FHIT: variants seen among roughly 807,000 people sequenced by gnomAD.
FHIT encodes the protein fragile histidine triad diadenosine triphosphatase.
A neutral mutation model predicts 17.9 loss-of-function variants in FHIT; 19 were observed. That is an observed-to-expected ratio of 1.06 (90% CI 0.74 to 1.56). FHIT has a LOEUF of 1.56. Ranked by LOEUF, FHIT falls within the 40% of genes most tolerant of loss-of-function variation. FHIT has a pLI of 0.00. For synonymous variants in FHIT, 81 were observed against 69.7 expected (o/e 1.16, Z -0.81); for missense variants, 248 against 189.2 (o/e 1.31, Z -1.82).
intron 5 of FHIT, among the ~76,000 whole-genome samples, chr3:60,076,637 GATT>G (rs1381291439): frequency 1.3e-5 from 2 of 151,956 alleles, no homozygotes; most frequent in Non-Finnish European, 2.9e-5. Context: ...GATTAGAAAT[GATT>G]ATTATCATGT....
chr3:59,777,915 C>T lies in FHIT; in HGVS notation c.349-25594G>A, dbSNP rs116001214. 6.5e-3 allele frequency among the ~76,000 whole-genome samples: 994 copies of T among 152,302 alleles called. 14 individuals carry two copies. The highest frequency in any genetic ancestry group is 0.022 in the African/African-American group (920 of 41,570). On this transcript the variant is annotated intron_variant, in intron 8 of 9. Coordinates refer to ENST00000492590, the MANE Select transcript of FHIT (RefSeq NM_002012.4). Reference sequence around the variant, plus strand: ...AGGTTTCCCCGGGCTTACAGCTTCTCATTTAGTTATCAGTTGAAATGTTAC... The same window carrying T: ...AGGTTTCCCCGGGCTTACAGCTTCTTATTTAGTTATCAGTTGAAATGTTAC...
chr3:59,898,896 A>G (rs1185684872), intron 8 of FHIT, among the ~76,000 whole-genome samples: 2 of 152,288 alleles, frequency 1.3e-5, no homozygotes, highest in Admixed American at 1.3e-4. Context: ...ATTAATAGAC[A>G]TTGTCAGATA....
At chr3:60,551,223 C>T (rs1051872334) in intron 4 of FHIT, among the ~76,000 whole-genome samples, 12 of 151,524 alleles carry the variant, frequency 7.9e-5, no homozygotes, top group African/African-American at 2.9e-4. Flanking sequence ...CATACAAGGT[C>T]TTGTGTGGCG....
rs532510374 is a variant in FHIT, at chr3:60,308,516, A to G, written c.103+228344T>C. 2.1e-4 allele frequency among the ~76,000 whole-genome samples: 32 copies of G among 149,086 alleles called. 1 individual carries two copies. In the East Asian group the frequency reaches 3.9e-3, roughly 18 times the overall value. On this transcript the variant is annotated intron_variant, in intron 5 of 9. Coordinates refer to ENST00000492590, the MANE Select transcript of FHIT (RefSeq NM_002012.4). ...TATGTGTATATATATATATATATAT[A>G]TATATATATATATGCCTCTCAAATG...
chr3:61,167,899 G>A (rs2037888848), intron 2 of FHIT, among the ~76,000 whole-genome samples: 1 of 152,068 alleles, frequency 6.6e-6, no homozygotes, highest in South Asian at 2.1e-4. Context: ...ATTTCAGTGA[G>A]GTGAGATTAT....
intron 3 of FHIT, among the ~76,000 whole-genome samples, chr3:60,863,825 T>G (rs1207674869): frequency 6.6e-6 from 1 of 152,096 alleles, no homozygotes; most frequent in Non-Finnish European, 1.5e-5. Flanking sequence ...AGTAAAAGTG[T>G]GAATAAGGGA....
intron 5 of FHIT, among the ~76,000 whole-genome samples, chr3:60,074,030 C>G (rs538148389): frequency 6.6e-6 from 1 of 152,142 alleles, no homozygotes; most frequent in East Asian, 1.9e-4. Flanking sequence ...GTGAATGGAG[C>G]AGGGGCTTAA....
intron 4 of FHIT, among the ~76,000 whole-genome samples, chr3:60,797,820 T>A (rs1553730868): frequency 2.0e-5 from 3 of 151,884 alleles, no homozygotes. Flanking sequence ...GATTTAAATG[T>A]TTTTTATTAG....
At chr3:59,773,104 T>G (rs1702147345) in intron 8 of FHIT, among the ~76,000 whole-genome samples, 1 of 152,036 alleles carries the variant, frequency 6.6e-6, no homozygotes, top group African/African-American at 2.4e-5. Context: ...TTTCAAGGGG[T>G]CCACAATTCA....
intron 4 of FHIT, among the ~76,000 whole-genome samples, chr3:60,559,695 C>T (rs994130753): frequency 1.3e-5 from 2 of 151,958 alleles, no homozygotes; most frequent in Non-Finnish European, 2.9e-5. Flanking sequence ...AGATGGAAAG[C>T]ATATGTATCT....
intron 3 of FHIT, among the ~76,000 whole-genome samples, chr3:60,881,791 C>T (rs1038071895): frequency 3.3e-5 from 5 of 151,794 alleles, no homozygotes; most frequent in Non-Finnish European, 7.4e-5. Flanking sequence ...TAACAATAAA[C>T]ACATCAAAAG....
intron 4 of FHIT, among the ~76,000 whole-genome samples, chr3:60,596,922 A>C (rs1051470165): frequency 2.6e-5 from 4 of 152,114 alleles, no homozygotes; most frequent in Admixed American, 2.6e-4. Context: ...TTGATTTCAG[A>C]TATTTTAGTG....
At chr3:60,308,970 T>C (rs1285890614) in intron 5 of FHIT, among the ~76,000 whole-genome samples, 1 of 152,112 alleles carries the variant, frequency 6.6e-6, no homozygotes, top group African/African-American at 2.4e-5. Context: ...ATCTCACACA[T>C]CACACACCCA....
At chr3:59,807,150 G>C (rs1425291118) in intron 8 of FHIT, among the ~76,000 whole-genome samples, 2 of 152,198 alleles carry the variant, frequency 1.3e-5, no homozygotes, top group Non-Finnish European at 2.9e-5. Flanking sequence ...ACATAGGTTA[G>C]ATAATGCAAT....
intron 8 of FHIT, among the ~76,000 whole-genome samples, chr3:59,784,686 G>C (rs1302043413): frequency 6.6e-6 from 1 of 152,154 alleles, no homozygotes; most frequent in African/African-American, 2.4e-5. Context: ...CTCTCTCCTA[G>C]AGAAAGTCAG....
chr3:60,852,199 CTGAT>C (rs1703182782), intron 3 of FHIT, among the ~76,000 whole-genome samples: 1 of 152,132 alleles, frequency 6.6e-6, no homozygotes, highest in Non-Finnish European at 1.5e-5. Context: ...AGCTGGGACA[CTGAT>C]TGTGTCCTGC....
At chr3:60,293,541 ATCTGAAGG>A (rs1708079321) in intron 5 of FHIT, among the ~76,000 whole-genome samples, 1 of 152,174 alleles carries the variant, frequency 6.6e-6, no homozygotes, top group Non-Finnish European at 1.5e-5. Flanking sequence ...TCAGGTACAG[ATCTGAAGG>A]TCACCTAACT....
At chr3:60,929,933 G>T (rs566355058) in intron 3 of FHIT, among the ~76,000 whole-genome samples, 1 of 152,270 alleles carries the variant, frequency 6.6e-6, no homozygotes, top group East Asian at 1.9e-4. Flanking sequence ...GAACAAAGCT[G>T]GAGGCATCAT....
intron 4 of FHIT, among the ~76,000 whole-genome samples, chr3:60,628,380 T>C (rs2039348917): frequency 6.6e-6 from 1 of 152,222 alleles, no homozygotes; most frequent in South Asian, 2.1e-4. Context: ...TGGAAAATGT[T>C]CCATGTACAC....
Sources: allele counts gnomAD v4.1 joint callset (sites outside exome capture counted in the v4.1 genomes callset), GRCh38; gene constraint gnomAD v4.1.1; transcripts MANE v1.5; gene names NCBI Gene and HGNC (gene_info 2026-07-23, HGNC 2026-07-21).